MEI4: variants seen among roughly 807,000 people sequenced by gnomAD.
MEI4 encodes meiosis-specific protein MEI4.
In MEI4, 27 loss-of-function variants were observed where a neutral mutation model predicts 31.4. The ratio of observed to expected loss-of-function variants is 0.86; its 90% CI spans 0.63 to 1.19. The LOEUF is 1.19. MEI4 is among the 50% of genes most tolerant of loss of function. The probability of loss-of-function intolerance (pLI) is 0.00; values close to 1 mark genes in which losing one functional copy is unlikely to be tolerated. For missense variants in MEI4, 329 were observed against 398.9 expected, an observed-to-expected ratio of 0.82 and a Z score of 1.49; for synonymous variants, 122 against 145.4, an observed-to-expected ratio of 0.84 and a Z score of 1.16.
At chr6:77,738,860 CAT>C (rs1316186947) in intron 2 of MEI4, among the ~76,000 whole-genome samples, 1 of 152,122 alleles carries the variant, frequency 6.6e-6, no homozygotes, top group African/African-American at 2.4e-5. Context: ...AGCTTTTTCT[CAT>C]ATGTTTCTTG....
At chr6:77,803,007 G>C (rs987588381) in intron 3 of MEI4, among the ~76,000 whole-genome samples, 6 of 152,090 alleles carry the variant, frequency 3.9e-5, no homozygotes, top group Non-Finnish European at 7.3e-5. Context: ...TCCTGAATTT[G>C]AATGTTGGCC....
intron 3 of MEI4, among the ~76,000 whole-genome samples, chr6:77,814,000 C>T (rs1200436033): frequency 6.6e-6 from 1 of 152,032 alleles, no homozygotes; most frequent in Non-Finnish European, 1.5e-5. Context: ...GAAGATTTTT[C>T]ACAAGACCTT....
At chr6:77,728,180 T>C (rs1311830093) in intron 2 of MEI4, among the ~76,000 whole-genome samples, 3 of 152,150 alleles carry the variant, frequency 2.0e-5, no homozygotes, top group Non-Finnish European at 4.4e-5. Context: ...TAACTGAAAG[T>C]TAAAAAAATA....
At chr6:77,818,868 C>A (rs1018341485) in intron 3 of MEI4, among the ~76,000 whole-genome samples, 1 of 151,970 alleles carries the variant, frequency 6.6e-6, no homozygotes, top group Non-Finnish European at 1.5e-5. Flanking sequence ...TAACTGAGAC[C>A]ATAGGTGTGC....
chr6:77,786,295 T>A (rs921158365), intron 3 of MEI4, among the ~76,000 whole-genome samples: 1 of 152,102 alleles, frequency 6.6e-6, no homozygotes, highest in African/African-American at 2.4e-5. Flanking sequence ...GATTTCTTAA[T>A]TATGAGCAGT....
chr6:77,663,742 C>T (rs1768561004), intron 1 of MEI4, among the ~76,000 whole-genome samples: 1 of 152,118 alleles, frequency 6.6e-6, no homozygotes, highest in African/African-American at 2.4e-5. Flanking sequence ...GGCTTACCTT[C>T]CACTGTGAGA....
intron 4 of MEI4, among the ~76,000 whole-genome samples, chr6:77,878,926 G>C (rs937037631): frequency 2.0e-5 from 3 of 152,004 alleles, no homozygotes; most frequent in Admixed American, 6.6e-5. Context: ...TACCGAAGGT[G>C]GAAAGCATTT....
intron 1 of MEI4, among the ~76,000 whole-genome samples, chr6:77,653,604 TA>T (rs1220673285): frequency 6.6e-6 from 1 of 152,166 alleles, no homozygotes; most frequent in East Asian, 1.9e-4. Context: ...AAAGGTAGCC[TA>T]AAATCACTCC....
chr6:77,799,026 T>C lies in MEI4; in HGVS notation c.769-29905T>C, dbSNP rs2127699377. ...TATACCCAGTAATGGGATTGCTGGGTCAAATGGTATTTCCAGTTCTAGATC... is the reference window on the plus strand; with the variant it reads ...TATACCCAGTAATGGGATTGCTGGGCCAAATGGTATTTCCAGTTCTAGATC... On this transcript the variant is annotated intron_variant, in intron 3 of 4. Coordinates refer to ENST00000684080, the MANE Select transcript of MEI4 (RefSeq NM_001322247.2). 2.0e-5 allele frequency among the ~76,000 whole-genome samples: 3 copies of C among 152,222 alleles called. No individual in the cohort carries two copies. In the East Asian group the frequency reaches 5.8e-4, roughly 30 times the overall value.
chr6:77,770,931 G>T (rs1768298748), intron 3 of MEI4, among the ~76,000 whole-genome samples: 1 of 152,066 alleles, frequency 6.6e-6, no homozygotes, highest in African/African-American at 2.4e-5. Context: ...AGAAAAAATT[G>T]ACATATGGGA....
chr6:77,743,915 G>C (rs768222979), intron 2 of MEI4, among the ~76,000 whole-genome samples: 1 of 152,210 alleles, frequency 6.6e-6, no homozygotes, highest in African/African-American at 2.4e-5. Context: ...GGTGCTGTCT[G>C]TTAGAAGGAA....
intron 2 of MEI4, among the ~76,000 whole-genome samples, chr6:77,707,715 G>T (rs913707751): frequency 2.0e-5 from 3 of 152,178 alleles, no homozygotes; most frequent in Admixed American, 2.0e-4. Flanking sequence ...TCAGGCCCAG[G>T]GCTCTGCTGC....
chr6:77,797,131 A>G (rs1158375970), intron 3 of MEI4, among the ~76,000 whole-genome samples: 1 of 152,226 alleles, frequency 6.6e-6, no homozygotes, highest in Non-Finnish European at 1.5e-5. Flanking sequence ...AAAATTGGAT[A>G]TCCACATGTA....
chr6:77,753,455 C>G (rs1767833691), intron 2 of MEI4, among the ~76,000 whole-genome samples: 3 of 152,170 alleles, frequency 2.0e-5, no homozygotes, highest in Admixed American at 2.0e-4. Context: ...TCAACAGACA[C>G]TTCTCAAAAG....
chr6:77,848,796 C>A (rs1029938936), intron 4 of MEI4, among the ~76,000 whole-genome samples: 2 of 152,144 alleles, frequency 1.3e-5, no homozygotes, highest in Admixed American at 6.6e-5. Flanking sequence ...TACTTGTGTT[C>A]TCATTTATTA....
intron 4 of MEI4, among the ~76,000 whole-genome samples, chr6:77,835,231 A>C (rs191710671): frequency 6.6e-5 from 10 of 151,066 alleles, no homozygotes; most frequent in Non-Finnish European, 1.5e-5. Context: ...GCGGTGGTGC[A>C]TGCCTGTAAT....
intron 4 of MEI4, among the ~76,000 whole-genome samples, chr6:77,905,258 A>C (rs533455874): frequency 6.6e-6 from 1 of 151,916 alleles, no homozygotes; most frequent in East Asian, 1.9e-4. Flanking sequence ...TCTGACCTCT[A>C]AAAATTCTGT....
Position 77,730,810 on chromosome 6 carries a change from A to G in MEI4, c.233-30320A>G, listed in dbSNP as rs1434969280. On this transcript the variant is annotated intron_variant, in intron 2 of 4. Transcript: ENST00000684080. ...ACCCCAAAACAGTCCCCAGAGTGTG[A>G]TGTTCCCCTTCCTGTGTCCCTGTGT... Among the ~76,000 whole-genome samples the G allele has an allele frequency of 3.2e-5, 4 of 126,878 alleles. No homozygotes were observed. In the East Asian group the frequency reaches 9.7e-4, roughly 31 times the overall value. 83.2% of individuals were successfully genotyped at this position (126,878 alleles called of 152,430 possible). A position where few individuals can be genotyped will look rare whatever the true frequency, so the allele number is the denominator to read the frequency against.
At chr6:77,908,583 A>T (rs999343255) in intron 4 of MEI4, among the ~76,000 whole-genome samples, 1 of 152,148 alleles carries the variant, frequency 6.6e-6, no homozygotes. Context: ...AGGTAGCATG[A>T]TGCCTCCAGC....
Sources: allele counts gnomAD v4.1 joint callset (sites outside exome capture counted in the v4.1 genomes callset), GRCh38; gene constraint gnomAD v4.1.1; transcripts MANE v1.5; gene names NCBI Gene and HGNC (gene_info 2026-07-23, HGNC 2026-07-21).